Variants in SIMC1 observed in about 807,000 individuals in gnomAD.
SIMC1 encodes SUMO-interacting motif-containing protein 1.
Under a neutral mutation model 82.3 loss-of-function variants are expected in SIMC1, and 55 were observed. That is an observed-to-expected ratio of 0.67 (90% CI 0.54 to 0.84). The LOEUF (loss-of-function observed/expected upper bound fraction) is 0.84. Ranked by LOEUF, SIMC1 falls within the 40% of genes least tolerant of loss-of-function variation. The pLI, the probability that SIMC1 is intolerant of heterozygous loss-of-function variation, is 0.00. For synonymous variants in SIMC1, 353 were observed against 426.3 expected (o/e 0.83, Z 2.12); for missense variants, 915 against 1,107.2 (o/e 0.83, Z 2.46).
intron 1 of SIMC1, among the ~76,000 whole-genome samples, chr5:176,284,926 C>T (rs569059000): frequency 6.6e-6 from 1 of 152,106 alleles, no homozygotes; most frequent in African/African-American, 2.4e-5. Flanking sequence ...CTGAATAGAC[C>T]AATAACAGGC....
chr5:176,275,008 T>C (rs2113196630), intron 1 of SIMC1, among the ~76,000 whole-genome samples: 1 of 151,938 alleles, frequency 6.6e-6, no homozygotes, highest in South Asian at 2.1e-4. Flanking sequence ...TCCAATTCTG[T>C]GAAGAAAGTC....
intron 1 of SIMC1, among the ~76,000 whole-genome samples, chr5:176,286,883 C>T (rs1326534345): frequency 6.6e-6 from 1 of 152,210 alleles, no homozygotes; most frequent in African/African-American, 2.4e-5. Context: ...AAAAAATGCT[C>T]ATCATCACTG....
intron 4 of SIMC1, among the ~76,000 whole-genome samples, chr5:176,312,348 C>G (rs1010051791): frequency 6.6e-6 from 1 of 152,020 alleles, no homozygotes; most frequent in East Asian, 1.9e-4. Flanking sequence ...CCAGCCTCAC[C>G]ATTATGGTGC....
At chr5:176,271,948 TTA>T (rs1762453103) in intron 1 of SIMC1, among the ~76,000 whole-genome samples, 1 of 144,996 alleles carries the variant, frequency 6.9e-6, no homozygotes, top group Non-Finnish European at 1.5e-5. Flanking sequence ...CTATTATATA[TTA>T]TATATTATGT....
intron 1 of SIMC1, among the ~76,000 whole-genome samples, chr5:176,264,206 G>A (rs1054790870): frequency 6.6e-6 from 1 of 152,216 alleles, no homozygotes; most frequent in Non-Finnish European, 1.5e-5. Context: ...ACAACCTGCT[G>A]GTGGCTCTAC....
intron 7 of SIMC1, among the ~76,000 whole-genome samples, chr5:176,333,434 T>G (rs1337966196): frequency 6.6e-6 from 1 of 152,100 alleles, no homozygotes. Flanking sequence ...TGGTGTTTTG[T>G]TGTGTTTTGT....
intron 1 of SIMC1, among the ~76,000 whole-genome samples, chr5:176,282,794 G>A (rs1158668845): frequency 2.0e-5 from 3 of 152,174 alleles, no homozygotes; most frequent in Non-Finnish European, 4.4e-5. Context: ...TAGACGAATG[G>A]CTAACTACAA....
intron 1 of SIMC1, among the ~76,000 whole-genome samples, chr5:176,246,766 C>G (rs540599039): frequency 6.6e-6 from 1 of 151,896 alleles, no homozygotes; most frequent in Non-Finnish European, 1.5e-5. Context: ...CCTAGCCCCC[C>G]ACCCCCCAAC....
chr5:176,324,631 T>C lies in SIMC1; in HGVS notation c.2045T>C (p.Ile682Thr), dbSNP rs771556150. Reference sequence around the variant, plus strand: ...TGTGTCCTATGTTCTGGACTCAGGATTGTGTGCCAGCTTCAGAGGATGCTC... The same window carrying C: ...TGTGTCCTATGTTCTGGACTCAGGACTGTGTGCCAGCTTCAGAGGATGCTC... ...PNLTKNTNQLIVCQLQRMLSI... is the reference protein window; with the variant it reads ...PNLTKNTNQLTVCQLQRMLSI... Residue 682 changes from isoleucine to threonine, a missense_variant and splice_region_variant, in exon 7 of 10, where the codon ATT becomes ACT. By Grantham distance (89) the Ile-to-Thr change is moderately conservative. Transcript: ENST00000429602. The C allele has an allele frequency of 1.9e-6, 3 of 1,611,310 alleles. No homozygotes were observed. The highest frequency in any genetic ancestry group is 4.5e-5 in the East Asian group (2 of 44,840).
chr5:176,277,341 G>A (rs928198348), intron 1 of SIMC1, among the ~76,000 whole-genome samples: 1 of 151,844 alleles, frequency 6.6e-6, no homozygotes, highest in East Asian at 1.9e-4. Flanking sequence ...GTAGATTCTG[G>A]ATATTAGCCC....
At chr5:176,292,631 G>A (rs1047714827) in intron 2 of SIMC1, among the ~76,000 whole-genome samples, 4 of 151,908 alleles carry the variant, frequency 2.6e-5, no homozygotes, top group South Asian at 2.1e-4. Context: ...TGCAACCTCC[G>A]CCTCCCAGGT....
rs771021604 is a variant in SIMC1 at position 176,336,195 on chromosome 5, G to A, written c.2172-525G>A. On this transcript the variant is annotated intron_variant, in intron 7 of 9. Transcript: ENST00000429602. ...TGCCCCTCGTAGACCACTCTCACCA[G>A]TGCTTCTGCCTCCATAGGAAGGCCA... Among the ~76,000 whole-genome samples the A allele has an allele frequency of 1.1e-4, 16 of 152,128 alleles. No individual in the cohort carries two copies. In the East Asian group the frequency reaches 2.9e-3, roughly 27 times the overall value.
chr5:176,313,983 T>C (rs1015799962), intron 5 of SIMC1, 138 bp downstream of exon 5: 1 of 1,095,352 alleles, frequency 9.1e-7, no homozygotes, highest in Non-Finnish European at 1.3e-6. Flanking sequence ...AAACTATAGA[T>C]AGACCAGGTG....
intron 7 of SIMC1, among the ~76,000 whole-genome samples, chr5:176,334,791 T>C (rs1299925228): frequency 1.3e-5 from 2 of 152,140 alleles, no homozygotes; most frequent in Admixed American, 6.6e-5. Context: ...TTGTTTCTCT[T>C]CTCTCAAGAA....
In SIMC1 at chr5:176,289,963, A is replaced by G; in HGVS notation, c.439A>G (p.Thr147Ala). The G allele has an allele frequency of 2.5e-6, 4 of 1,613,814 alleles. No individual in the cohort carries two copies. Among genetic ancestry groups the G allele is most frequent in the Non-Finnish European group, 3.4e-6 (4 of 1,179,834 alleles). ...ENTFVGPPPA[T>A]SISGGSVYPT... ...CACCTTTGTAGGTCCCCCACCCGCT[A>G]CATCCATCAGTGGAGGCTCTGTTTA... The change falls in exon 2 of 10, where the codon ACA (threonine) becomes GCA (alanine). Residue 147 changes from threonine to alanine, a missense_variant. Around this residue, in one of 2 missense-constraint regions of SIMC1, gnomAD observed 902 missense variants for 1,040.3 expected, o/e 0.87. Transcript: ENST00000429602.
chr5:176,285,909 C>G (rs1330590190), intron 1 of SIMC1, among the ~76,000 whole-genome samples: 1 of 152,160 alleles, frequency 6.6e-6, no homozygotes, highest in East Asian at 1.9e-4. Flanking sequence ...AATAAAATAC[C>G]TAGGAATCCA....
intron 4 of SIMC1, among the ~76,000 whole-genome samples, chr5:176,311,740 A>G (rs1438035257): frequency 2.0e-5 from 3 of 152,236 alleles, no homozygotes; most frequent in Non-Finnish European, 4.4e-5. Context: ...GGATTTACTA[A>G]AAGTAGTTAG....
Position 176,307,130 on chromosome 5 carries a change from C to A in SIMC1, c.1735-6561C>A, listed in dbSNP as rs373220553. ...TGTCACCTCATACCAATTAGAATGG[C>A]CACTATTTTTTAAAAAAACAAAAAA... On this transcript the variant is annotated intron_variant, in intron 4 of 9. Transcript: ENST00000429602. 5.3e-5 allele frequency among the ~76,000 whole-genome samples: 8 copies of A among 152,026 alleles called. No individual in the cohort carries two copies. In the East Asian group the frequency reaches 1.4e-3, roughly 26 times the overall value.
intron 5 of SIMC1, among the ~76,000 whole-genome samples, chr5:176,317,597 C>T (rs575263749): frequency 8.1e-4 from 124 of 152,204 alleles, no homozygotes; most frequent in African/African-American, 2.9e-3. Flanking sequence ...ATTTGCCAGC[C>T]TCTATATCAT....
Sources: allele counts gnomAD v4.1 joint callset (sites outside exome capture counted in the v4.1 genomes callset), GRCh38; gene constraint gnomAD v4.1.1; regional missense constraint gnomAD v4.1.1; transcripts MANE v1.5; gene names NCBI Gene and HGNC (gene_info 2026-07-23, HGNC 2026-07-21).